Variants in CNTNAP2 observed in about 807,000 individuals in gnomAD.
CNTNAP2 encodes contactin associated protein 2.
Under a neutral mutation model 155.2 loss-of-function variants are expected in CNTNAP2, and 98 were observed. The ratio of observed to expected loss-of-function variants is 0.63; its 90% CI spans 0.54 to 0.75. CNTNAP2 has a LOEUF of 0.75. CNTNAP2 is among the 30% of genes least tolerant of loss of function. CNTNAP2 has a pLI of 0.00. For missense variants in CNTNAP2, 1,727 were observed against 1,688.1 expected (o/e 1.02, Z -0.40); for synonymous variants, 651 against 631.2 (o/e 1.03, Z -0.47).
intron 11 of CNTNAP2, among the ~76,000 whole-genome samples, chr7:147,499,878 A>G (rs55803643): frequency 0.29 from 43,575 of 152,040 alleles, 6,371 homozygotes; most frequent in East Asian, 0.43. Flanking sequence ...TGTGCTTTCT[A>G]CAGTGTGATT....
chr7:146,380,888 C>CAGGAGA lies in CNTNAP2; in HGVS notation c.97+263915_97+263916insAGGAGA, dbSNP rs1795375709. Among the ~76,000 whole-genome samples, 6 of 142,486 alleles carry CAGGAGA rather than the reference C, an allele frequency of 4.2e-5. 1 individual carries two copies. The Admixed American group carries it at 4.3e-4, about 10-fold the overall frequency. 93.5% of individuals were successfully genotyped at this position (142,486 alleles called of 152,430 possible). On this transcript the variant is annotated intron_variant, in intron 1 of 23. Coordinates refer to ENST00000361727, the MANE Select transcript of CNTNAP2 (RefSeq NM_014141.6). ...TCTCGGCTCACTGCAGGCTCCGCCC[C>CAGGAGA]CTGGGGTTCACGCCATTCTCCTGCC...
chr7:147,135,426 C>A (rs1236594137), intron 8 of CNTNAP2, among the ~76,000 whole-genome samples: 1 of 151,744 alleles, frequency 6.6e-6, no homozygotes, highest in Non-Finnish European at 1.5e-5. Flanking sequence ...CAAAGTGACT[C>A]AATTTTATCC....
At chr7:147,236,282 C>T (rs1803801500) in intron 8 of CNTNAP2, among the ~76,000 whole-genome samples, 1 of 152,224 alleles carries the variant, frequency 6.6e-6, no homozygotes, top group Non-Finnish European at 1.5e-5. Context: ...GTGTGGGCTG[C>T]CCCCATTCCT....
intron 1 of CNTNAP2, among the ~76,000 whole-genome samples, chr7:146,406,573 T>C (rs769672001): frequency 2.0e-5 from 3 of 152,166 alleles, no homozygotes; most frequent in Non-Finnish European, 4.4e-5. Context: ...GCTGAGATAT[T>C]GGCAAGGCTT....
chr7:146,952,542 C>A (rs1226274158), intron 3 of CNTNAP2, among the ~76,000 whole-genome samples: 2 of 152,118 alleles, frequency 1.3e-5, no homozygotes, highest in East Asian at 3.9e-4. Flanking sequence ...TCGCCTCAGC[C>A]ACAAATCTCC....
Position 147,971,679 on chromosome 7 carries a change from T to C in CNTNAP2, c.2256-6183T>C, listed in dbSNP as rs183396123. On this transcript the variant is annotated intron_variant, in intron 14 of 23. Transcript: ENST00000361727. ...ATTTCATTGTATGTATTACCATACT[T>C]TTATCCATTCACTAGTTGATGGGCA... 3.9e-5 allele frequency among the ~76,000 whole-genome samples: 6 copies of C among 152,342 alleles called. No homozygotes were observed. The East Asian group carries it at 1.2e-3, about 29-fold the overall frequency.
chr7:146,463,353 C>T (rs1796666817), intron 1 of CNTNAP2, among the ~76,000 whole-genome samples: 1 of 152,074 alleles, frequency 6.6e-6, no homozygotes, highest in Non-Finnish European at 1.5e-5. Context: ...TCCTTCCCTT[C>T]TTTTTGTCTC....
intron 3 of CNTNAP2, among the ~76,000 whole-genome samples, chr7:146,913,586 G>A (rs1228896767): frequency 6.6e-6 from 1 of 152,006 alleles, no homozygotes; most frequent in Non-Finnish European, 1.5e-5. Flanking sequence ...CCAACTTCTT[G>A]TTATATCCTC....
intron 1 of CNTNAP2, among the ~76,000 whole-genome samples, chr7:146,323,316 T>C (rs991847111): frequency 2.0e-5 from 3 of 152,108 alleles, no homozygotes; most frequent in African/African-American, 4.8e-5. Context: ...GAAATTGTAA[T>C]TGATAGGGAA....
chr7:146,554,063 A>G (rs1410018761), intron 1 of CNTNAP2, among the ~76,000 whole-genome samples: 1 of 152,178 alleles, frequency 6.6e-6, no homozygotes, highest in Non-Finnish European at 1.5e-5. Context: ...AGATATCTGT[A>G]TTAACACCGA....
chr7:146,593,965 A>G (rs1396559629), intron 1 of CNTNAP2, among the ~76,000 whole-genome samples: 1 of 152,170 alleles, frequency 6.6e-6, no homozygotes, highest in Non-Finnish European at 1.5e-5. Context: ...TCAATATCTA[A>G]TTGGGTTCCC....
chr7:148,147,707 T>A lies in CNTNAP2; in HGVS notation c.2771T>A (p.Val924Glu). Reference sequence around the variant, plus strand: ...CTGGAGCTCTACAGCCAGTTATTTGTGGGTAAGTAATGGAAAGGTAACCAT... The same window carrying A: ...CTGGAGCTCTACAGCCAGTTATTTGAGGGTAAGTAATGGAAAGGTAACCAT... ...TRLELYSQLF[V>E]GGAGGQQGFL... The change falls in exon 17 of 24, where the codon GTG becomes GAG. Residue 924 changes from valine to glutamate, a missense_variant and splice_region_variant. Val to Glu is a moderately radical substitution (Grantham distance 121). Transcript: ENST00000361727. The A allele has an allele frequency of 6.2e-7, 1 of 1,611,850 alleles. No individual in the cohort carries two copies. Among genetic ancestry groups the A allele is most frequent in the Non-Finnish European group, 8.5e-7 (1 of 1,179,716 alleles).
At chr7:146,249,008 A>G (rs1340156235) in intron 1 of CNTNAP2, among the ~76,000 whole-genome samples, 2 of 152,096 alleles carry the variant, frequency 1.3e-5, no homozygotes, top group Non-Finnish European at 2.9e-5. Flanking sequence ...TGGCGGTCAG[A>G]GTGGGGGTCA....
chr7:148,350,863 T>C (rs1033390101), intron 21 of CNTNAP2, among the ~76,000 whole-genome samples: 6 of 152,142 alleles, frequency 3.9e-5, no homozygotes, highest in Admixed American at 2.6e-4. Flanking sequence ...AACTGTGAGG[T>C]GTCCCCAGCC....
intron 9 of CNTNAP2, among the ~76,000 whole-genome samples, chr7:147,355,081 CAG>C (rs1241474657): frequency 2.6e-5 from 4 of 152,026 alleles, no homozygotes; most frequent in Non-Finnish European, 5.9e-5. Flanking sequence ...CTTCTGCAAA[CAG>C]AGACAACTTG....
intron 1 of CNTNAP2, among the ~76,000 whole-genome samples, chr7:146,706,964 A>G (rs2129174385): frequency 1.3e-5 from 2 of 152,140 alleles, no homozygotes; most frequent in South Asian, 4.2e-4. Flanking sequence ...CTACTATTTG[A>G]AGTACAGACT....
Position 147,685,297 on chromosome 7 carries a change from C to T in CNTNAP2, c.2098+45991C>T, listed in dbSNP as rs947101195. On this transcript the variant is annotated intron_variant, in intron 13 of 23. Coordinates refer to ENST00000361727, the MANE Select transcript of CNTNAP2 (RefSeq NM_014141.6). ...GCAGAATATCCTTTGAATTCTAAAA[C>T]CTTGCTGAAAAATCATTTTTATACT... Among the ~76,000 whole-genome samples, 5 of 150,350 alleles carry T rather than the reference C, an allele frequency of 3.3e-5. No homozygotes were observed. In the East Asian group the frequency reaches 8.3e-4, roughly 25 times the overall value.
intron 8 of CNTNAP2, among the ~76,000 whole-genome samples, chr7:147,193,008 C>A (rs1207330965): frequency 6.6e-6 from 1 of 152,090 alleles, no homozygotes; most frequent in African/African-American, 2.4e-5. Flanking sequence ...GAAAAAAACG[C>A]CTTGCAAAGT....
intron 1 of CNTNAP2, among the ~76,000 whole-genome samples, chr7:146,720,296 T>A (rs1801263193): frequency 6.6e-6 from 1 of 152,054 alleles, no homozygotes; most frequent in Non-Finnish European, 1.5e-5. Context: ...TCCTGTAGAG[T>A]AGTACCTCTT....
Sources: gnomAD v4.1 joint callset for allele counts (sites outside exome capture counted in the v4.1 genomes callset) on GRCh38, gnomAD v4.1.1 for gene constraint, MANE v1.5 for transcripts, NCBI Gene and HGNC (gene_info 2026-07-23, HGNC 2026-07-21) for gene names.